Variants in WSCD2 observed in about 807,000 individuals in gnomAD.
WSCD2 encodes WSC domain sialate O sulfotransferase 2.
Under a neutral mutation model 55.7 loss-of-function variants are expected in WSCD2, and 28 were observed. That is an observed-to-expected ratio of 0.50 (90% CI 0.37 to 0.69). The LOEUF (loss-of-function observed/expected upper bound fraction) is 0.69. WSCD2 is among the 30% of genes least tolerant of loss of function. The probability of loss-of-function intolerance (pLI) is 0.00; values close to 1 mark genes in which losing one functional copy is unlikely to be tolerated. For missense variants in WSCD2, 616 were observed against 762.1 expected (o/e 0.81, Z 2.26); for synonymous variants, 301 against 301.9 (o/e 1.00, Z 0.03).
chr12:108,137,823 C>A (rs925091751), intron 1 of WSCD2, among the ~76,000 whole-genome samples: 1 of 152,220 alleles, frequency 6.6e-6, no homozygotes, highest in Admixed American at 6.5e-5. Flanking sequence ...GAAAAATTCA[C>A]GTACGTGGAA....
intron 1 of WSCD2, among the ~76,000 whole-genome samples, chr12:108,146,809 C>T (rs4246262): frequency 0.66 from 100,900 of 152,170 alleles, 35,563 homozygotes; most frequent in East Asian, 0.91. Flanking sequence ...AGAGCAGAGA[C>T]GCTGTGATTT....
intron 1 of WSCD2, among the ~76,000 whole-genome samples, chr12:108,150,686 T>C (rs1877896668): frequency 6.6e-6 from 1 of 152,140 alleles, no homozygotes; most frequent in Admixed American, 6.5e-5. Flanking sequence ...CAGTGTATGC[T>C]TGGGAATGGA....
intron 1 of WSCD2, among the ~76,000 whole-genome samples, chr12:108,181,637 C>T (rs1177907081): frequency 6.6e-6 from 1 of 152,172 alleles, no homozygotes; most frequent in Non-Finnish European, 1.5e-5. Flanking sequence ...GAGACAGGGT[C>T]TCACTCTGTT....
intron 4 of WSCD2, among the ~76,000 whole-genome samples, chr12:108,215,349 G>A (rs544056059): frequency 2.4e-4 from 36 of 152,264 alleles, no homozygotes; most frequent in Admixed American, 2.0e-3. Flanking sequence ...CTTTCTAGGC[G>A]TCTGGTGCTT....
At chr12:108,177,051 C>T (rs577960725) in intron 1 of WSCD2, among the ~76,000 whole-genome samples, 100 of 152,078 alleles carry the variant, frequency 6.6e-4, no homozygotes, top group Middle Eastern at 3.2e-3. Flanking sequence ...GTTATAAGCA[C>T]GAGTTCTGCA....
chr12:108,203,647 C>T (rs569673070), intron 2 of WSCD2, among the ~76,000 whole-genome samples: 10 of 152,316 alleles, frequency 6.6e-5, no homozygotes, highest in East Asian at 1.9e-4. Context: ...ATGATGGACA[C>T]GCAATGGACA....
rs570798393 is a variant in WSCD2 at position 108,233,164 on chromosome 12, T to C, written c.1144+269T>C. 5 of 335,436 alleles carry C rather than the reference T, an allele frequency of 1.5e-5. No individual in the cohort carries two copies. The South Asian group carries it at 2.9e-4, about 20-fold the overall frequency. The allele number at this position is 335,436 out of a possible 1,614,324, so 20.8% of individuals were successfully genotyped here. On this transcript the variant is annotated intron_variant, in intron 7 of 8. Coordinates refer to ENST00000547525, the MANE Select transcript of WSCD2 (RefSeq NM_014653.4). ...GTACTTATCCTATGCCTGGTACCTT[T>C]CCTCCATTTAGGTTACAACAAACAT...
chr12:108,190,430 C>G (rs984455792), intron 1 of WSCD2, among the ~76,000 whole-genome samples: 3 of 152,080 alleles, frequency 2.0e-5, no homozygotes, highest in African/African-American at 7.2e-5. Flanking sequence ...CCTCTGCCCC[C>G]CAAGTCAGGT....
intron 1 of WSCD2, among the ~76,000 whole-genome samples, chr12:108,180,744 C>G (rs778927578): frequency 2.0e-5 from 3 of 152,222 alleles, no homozygotes; most frequent in Non-Finnish European, 4.4e-5. Context: ...TCACAACTAC[C>G]CAGCACCCAC....
chr12:108,193,483 T>C (rs774909460), intron 1 of WSCD2, among the ~76,000 whole-genome samples: 20 of 151,406 alleles, frequency 1.3e-4, no homozygotes, highest in Non-Finnish European at 2.2e-4. Flanking sequence ...TGGGCTGCTA[T>C]AGTTCAGATG....
chr12:108,204,822 A>G lies in WSCD2; in HGVS notation c.383-1467A>G, dbSNP rs116110220. ...TGTTCAGGGGAATGATTGCTCAGTA[A>G]TGAGCCTGCATTCTCTGCTAGATCC... On this transcript the variant is annotated intron_variant, in intron 2 of 8. Transcript: ENST00000547525. 8.6e-3 allele frequency among the ~76,000 whole-genome samples: 1,309 copies of G among 152,354 alleles called. 20 individuals carry two copies. The highest frequency in any genetic ancestry group is 0.03 in the African/African-American group (1,257 of 41,584).
intron 2 of WSCD2, among the ~76,000 whole-genome samples, chr12:108,199,361 G>T (rs1007910202): frequency 3.3e-5 from 5 of 152,168 alleles, no homozygotes; most frequent in African/African-American, 4.8e-5. Flanking sequence ...CTGCACCCAG[G>T]CTGAGCTGAG....
chr12:108,228,062 G>T (rs1426248054), intron 6 of WSCD2, among the ~76,000 whole-genome samples: 1 of 151,822 alleles, frequency 6.6e-6, no homozygotes, highest in Non-Finnish European at 1.5e-5. Context: ...TGGGGCGGGG[G>T]AGGGGATTGA....
At chr12:108,142,852 C>T (rs760020801) in intron 1 of WSCD2, among the ~76,000 whole-genome samples, 53 of 152,068 alleles carry the variant, frequency 3.5e-4, no homozygotes, top group Non-Finnish European at 6.3e-4. Flanking sequence ...CTTGCTCTGT[C>T]ACCCAGGCTG....
chr12:108,215,514 G>T (rs1462532681), intron 4 of WSCD2, among the ~76,000 whole-genome samples: 1 of 152,150 alleles, frequency 6.6e-6, no homozygotes, highest in East Asian at 1.9e-4. Context: ...CAATTCAAGT[G>T]ATTTGAATTT....
chr12:108,187,003 A>T (rs781672513), intron 1 of WSCD2, among the ~76,000 whole-genome samples: 1 of 152,010 alleles, frequency 6.6e-6, no homozygotes, highest in South Asian at 2.1e-4. Flanking sequence ...CTCTTTGCAG[A>T]CTTAACTTTT....
chr12:108,195,081 G>A (rs1214645453), intron 1 of WSCD2, among the ~76,000 whole-genome samples: 1 of 152,170 alleles, frequency 6.6e-6, no homozygotes, highest in Admixed American at 6.5e-5. Flanking sequence ...TAAATTCCCA[G>A]TTTGGTGTCA....
At chr12:108,152,426 C>G (rs1234196918) in intron 1 of WSCD2, among the ~76,000 whole-genome samples, 1 of 152,162 alleles carries the variant, frequency 6.6e-6, no homozygotes, top group Non-Finnish European at 1.5e-5. Flanking sequence ...TCCAGCCAGG[C>G]GCTGGACACA....
chr12:108,248,911 A>G lies in WSCD2; in HGVS notation c.*568A>G. 6 of 988,626 alleles carry G rather than the reference A, an allele frequency of 6.1e-6. No homozygotes were observed. The highest frequency in any genetic ancestry group is 7.2e-6 in the Non-Finnish European group (6 of 831,682). The allele number at this position is 988,626 out of a possible 1,614,324, so 61.2% of individuals were successfully genotyped here. On this transcript the variant is annotated 3_prime_UTR_variant, in exon 9 of 9. Coordinates refer to ENST00000547525, the MANE Select transcript of WSCD2 (RefSeq NM_014653.4). This position sits in a 1 kb window ranked among gnomAD's most constrained non-coding sequence, Gnocchi z 4.3. ...TGGCCTTAGGTTTCTGACATCCTGGATAGTGTGGGGAGGTAATGGTGCTCA... is the reference window on the plus strand; with the variant it reads ...TGGCCTTAGGTTTCTGACATCCTGGGTAGTGTGGGGAGGTAATGGTGCTCA...
Sources: allele counts gnomAD v4.1 joint callset (sites outside exome capture counted in the v4.1 genomes callset), GRCh38; gene constraint gnomAD v4.1.1; non-coding constraint Gnocchi (gnomAD v3.1); transcripts MANE v1.5; gene names NCBI Gene and HGNC (gene_info 2026-07-23, HGNC 2026-07-21).